Variants in TMPRSS9 observed in about 807,000 individuals in gnomAD.
TMPRSS9 encodes the protein transmembrane serine protease 9.
Under a neutral mutation model 111.4 loss-of-function variants are expected in TMPRSS9, and 113 were observed. That is an observed-to-expected ratio of 1.01 (90% CI 0.87 to 1.19). The LOEUF (loss-of-function observed/expected upper bound fraction) is 1.19, where lower values mean the gene tolerates loss of function less well. TMPRSS9 is among the 50% of genes most tolerant of loss of function. The pLI, the probability that TMPRSS9 is intolerant of heterozygous loss-of-function variation, is 0.00. For synonymous variants in TMPRSS9, 805 were observed against 659.1 expected, an observed-to-expected ratio of 1.22 and a Z score of -3.39; for missense variants, 1,803 against 1,513.1, an observed-to-expected ratio of 1.19 and a Z score of -3.18.
Position 2,363,528 on chromosome 19 carries a change from C to A in TMPRSS9, c.-26+3168C>A, listed in dbSNP as rs547699705. ...AGTTGTGGGGGGGTGGGGGGACAGGCGAGAGTGTGGGAGGGAGTGAGGTCG... is the reference window on the plus strand; with the variant it reads ...AGTTGTGGGGGGGTGGGGGGACAGGAGAGAGTGTGGGAGGGAGTGAGGTCG... On this transcript the variant is annotated intron_variant, in intron 1 of 17. Coordinates refer to the TMPRSS9 transcript ENST00000649857. Among the ~76,000 whole-genome samples, 8 of 150,992 alleles carry A rather than the reference C, an allele frequency of 5.3e-5. No individual in the cohort carries two copies. The East Asian group carries it at 9.9e-4, about 19-fold the overall frequency.
intron 8 of TMPRSS9, among the ~76,000 whole-genome samples, chr19:2,409,424 G>A (rs1481439648): frequency 6.6e-6 from 1 of 152,000 alleles, no homozygotes; most frequent in East Asian, 1.9e-4. Flanking sequence ...TTACAGGTGT[G>A]AGCCACCTCA....
At chr19:2,365,625 A>T (rs936981747) in intron 1 of TMPRSS9, among the ~76,000 whole-genome samples, 2 of 151,962 alleles carry the variant, frequency 1.3e-5, no homozygotes, top group African/African-American at 4.8e-5. Context: ...AACAAACAAA[A>T]AAAACAAAAA....
At chr19:2,412,636 C>T (rs1447777919) in intron 9 of TMPRSS9, among the ~76,000 whole-genome samples, 2 of 152,128 alleles carry the variant, frequency 1.3e-5, no homozygotes, top group Non-Finnish European at 2.9e-5. Flanking sequence ...TCTTGAGCTT[C>T]TGCACATGGG....
At chr19:2,421,772 T>A in intron 13 of TMPRSS9, 82 bp from the exon 15 acceptor site, 1 of 1,450,470 alleles carries the variant, frequency 6.9e-7, no homozygotes, top group Non-Finnish European at 9.3e-7. Context: ...TCCCACCCAC[T>A]GTAGGAACGC....
rs1971587117 is a variant in TMPRSS9 at position 2,425,250 on chromosome 19, G to A, written c.2966G>A (p.Gly989Asp). Residue 989 changes from glycine to aspartate, a missense_variant, in exon 16 of 18, where the codon GGC (glycine) becomes GAC (aspartate). Gly to Asp is a moderately conservative substitution (Grantham distance 94). Coordinates refer to ENST00000648592, the Ensembl canonical transcript of TMPRSS9. ...ACGCGCTGCGTCATCACCGGCTGGG[G>A]CTCGGTGCGCGAAGGAGGTAGGCGC... The A allele has an allele frequency of 2.2e-6, 3 of 1,392,412 alleles. No homozygotes were observed. The African/African-American group carries it at 4.6e-5, about 22-fold the overall frequency. 86.3% of individuals were successfully genotyped at this position (1,392,412 alleles called of 1,614,324 possible).
intron 5 of TMPRSS9, among the ~76,000 whole-genome samples, chr19:2,402,381 G>A (rs1186067175): frequency 1.3e-5 from 2 of 152,132 alleles, no homozygotes; most frequent in Admixed American, 6.6e-5. Flanking sequence ...GGCAGAGGCT[G>A]CGGTGAGCTG....
chr19:2,411,947 ATTTC>A (rs1461923182), intron 9 of TMPRSS9, among the ~76,000 whole-genome samples: 3 of 152,002 alleles, frequency 2.0e-5, no homozygotes, highest in Non-Finnish European at 2.9e-5. Context: ...CGTGGATACC[ATTTC>A]TTTCTTTTTC....
chr19:2,370,978 A>G (rs114330214), intron 1 of TMPRSS9, among the ~76,000 whole-genome samples: 4,933 of 152,174 alleles, frequency 0.032, 297 homozygotes, highest in African/African-American at 0.11. Context: ...AAAAAAATGC[A>G]TGACAATATT....
chr19:2,393,898 CAAAAAAAAAAA>C (rs34160378), intron 1 of TMPRSS9, among the ~76,000 whole-genome samples: 1 of 63,580 alleles, frequency 1.6e-5, no homozygotes, highest in Non-Finnish European at 3.0e-5. Context: ...ACCATGTCTC[CAAAAAAAAAAA>C]AAAAAAAAAA....
At chr19:2,403,122 G>C in exon 6 of TMPRSS9, 1 of 1,612,696 alleles carries the variant, frequency 6.2e-7, no homozygotes, top group African/African-American at 1.3e-5. Flanking sequence ...GGAACAGCCA[G>C]TGTGTGACCA....
At chr19:2,377,305 G>A (rs181348336) in intron 1 of TMPRSS9, among the ~76,000 whole-genome samples, 136 of 119,468 alleles carry the variant, frequency 1.1e-3, no homozygotes, top group African/African-American at 6.4e-3. Context: ...ATGTATGTAT[G>A]TATGTATGTA....
intron 5 of TMPRSS9, 111 bp from the exon 7 acceptor site, chr19:2,402,971 G>C (rs1970883362): frequency 3.9e-6 from 3 of 770,920 alleles, no homozygotes; most frequent in Admixed American, 2.2e-5. Flanking sequence ...GAAAAGGAGA[G>C]AGAGAGTTTC....
chr19:2,370,136 G>A (rs914585969), intron 1 of TMPRSS9, among the ~76,000 whole-genome samples: 3 of 152,122 alleles, frequency 2.0e-5, no homozygotes, highest in African/African-American at 4.8e-5. Context: ...GTGAACCCAG[G>A]AGGCAGAGAT....
intron 5 of TMPRSS9, 135 bp from the exon 7 acceptor site, chr19:2,402,947 C>A: frequency 1.5e-6 from 1 of 674,556 alleles, no homozygotes; most frequent in Non-Finnish European, 2.6e-6. Flanking sequence ...AAAATAAAAA[C>A]AAGGAAAAGG....
intron 1 of TMPRSS9, among the ~76,000 whole-genome samples, chr19:2,360,657 T>G (rs1198491419): frequency 6.6e-6 from 1 of 150,792 alleles, no homozygotes; most frequent in East Asian, 1.9e-4. Context: ...TGGACGCAGG[T>G]GCGGCGTGTA....
chr19:2,420,755 G>C (rs1036691431), intron 13 of TMPRSS9, among the ~76,000 whole-genome samples: 11 of 151,920 alleles, frequency 7.2e-5, no homozygotes, highest in African/African-American at 2.7e-4. Context: ...TTGTGAGATC[G>C]GTGTCTTGCA....
chr19:2,424,922 C>T (rs1286402161), intron 15 of TMPRSS9, 80 bp from the exon 17 acceptor site: 6 of 1,357,902 alleles, frequency 4.4e-6, no homozygotes, highest in Non-Finnish European at 4.7e-6. Flanking sequence ...GGGTGCCAGC[C>T]GGCCGCTGGG....
intron 1 of TMPRSS9, among the ~76,000 whole-genome samples, chr19:2,362,457 G>A (rs975439552): frequency 1.3e-5 from 2 of 152,090 alleles, no homozygotes; most frequent in African/African-American, 2.4e-5. Context: ...GTATGGTTGT[G>A]TGTTGTATGG....
chr19:2,364,872 G>A (rs1032045258), intron 1 of TMPRSS9, among the ~76,000 whole-genome samples: 2 of 151,866 alleles, frequency 1.3e-5, no homozygotes, highest in African/African-American at 4.8e-5. Flanking sequence ...CTGTAATCTC[G>A]GGAGGCTGAA....
Sources: gnomAD v4.1 joint callset for allele counts (sites outside exome capture counted in the v4.1 genomes callset) on GRCh38, gnomAD v4.1.1 for gene constraint, MANE v1.5 for transcripts, NCBI Gene and HGNC (gene_info 2026-07-23, HGNC 2026-07-21) for gene names.